The following RGS12 variants were observed in gnomAD, a reference collection of about 807,000 sequenced individuals.
RGS12 encodes regulator of G protein signaling 12, also known as regulator of G-protein signaling 12.
In RGS12, 66 loss-of-function variants were observed where a neutral mutation model predicts 120.1. The observed-to-expected ratio is 0.55, with a 90% confidence interval of 0.45 to 0.67. RGS12 has a LOEUF of 0.67. Among genes scored for constraint, RGS12 ranks in the 30% least tolerant of loss-of-function variants. The pLI is 0.00. For missense variants in RGS12, 1,859 were observed against 1,957.7 expected, an observed-to-expected ratio of 0.95 and a Z score of 0.95; for synonymous variants, 827 against 804.7, an observed-to-expected ratio of 1.03 and a Z score of -0.47.
chr4:3,359,961 A>G (rs1415062373), intron 3 of RGS12, among the ~76,000 whole-genome samples: 2 of 151,788 alleles, frequency 1.3e-5, no homozygotes, highest in Non-Finnish European at 2.9e-5. Context: ...GAGTTTCAAC[A>G]TGTTGCCCAT....
intron 4 of RGS12, among the ~76,000 whole-genome samples, chr4:3,398,749 T>C (rs1240658264): frequency 1.3e-5 from 2 of 148,434 alleles, no homozygotes; most frequent in Admixed American, 6.7e-5. Flanking sequence ...AAAAAAAAAA[T>C]AGTAAGATTA....
At chr4:3,420,528 G>A (rs755109490) in intron 9 of RGS12, 114 bp from the exon 10 acceptor site, 11 of 945,174 alleles carry the variant, frequency 1.2e-5, no homozygotes, top group Non-Finnish European at 1.8e-5. Flanking sequence ...GGGGATGGGT[G>A]GGGGGGGCTT....
chr4:3,355,074 T>C (rs762551664), intron 3 of RGS12, among the ~76,000 whole-genome samples: 1 of 152,194 alleles, frequency 6.6e-6, no homozygotes, highest in Non-Finnish European at 1.5e-5. Flanking sequence ...AGCAAGGTGA[T>C]TCCAGCAATT....
Position 3,425,483 on chromosome 4 carries a change from T to G in RGS12, c.3254T>G (p.Leu1085Arg). Residue 1085 changes from leucine (L) to arginine (R), a missense_variant, in exon 14 of 18, where the codon CTG becomes CGG. Physicochemically the swap from Leu to Arg is moderately radical, Grantham distance 102. Around this residue, in one of 3 missense-constraint regions of RGS12, gnomAD observed 517 missense variants for 488.5 expected, o/e 1.06. Transcript: ENST00000336727. ...LVRLSGEKEPLDLGAPISSLD... is the reference protein window; with the variant it reads ...LVRLSGEKEPRDLGAPISSLD... ...CCCTAGAGTGGAGAGAAGGAGCCCC[T>G]GGACCTTGGCGCCCCTATATCGAGT... The G allele has an allele frequency of 6.2e-7, 1 of 1,612,332 alleles. No individual in the cohort carries two copies. Among genetic ancestry groups the G allele is most frequent in the Non-Finnish European group, 8.5e-7 (1 of 1,179,788 alleles).
At position 3,436,315 on chromosome 4, in the gene RGS12, C is replaced by G. The variant is rs373915963; in HGVS notation, c.4115-3140C>G. 4.2e-4 allele frequency among the ~76,000 whole-genome samples: 64 copies of G among 152,334 alleles called. 2 individuals are homozygous for G. Among genetic ancestry groups the G allele is most frequent in the Admixed American group, 3.1e-3 (47 of 15,308 alleles). The stretch of plus-strand genomic sequence containing the variant: ...CCGCCTCTGGCTCCCCTCGCTCCCC[C>G]CTTCCTGCCGTGTTCTCAGTGTGAG... On this transcript the variant is annotated intron_variant, in intron 17 of 17. Coordinates refer to ENST00000336727, the MANE Select transcript of RGS12 (RefSeq NM_001394154.1).
rs937474735 is a variant in RGS12, at chr4:3,366,383, C to A, written c.1999-20033C>A. On this transcript the variant is annotated intron_variant, in intron 3 of 17. Coordinates refer to ENST00000336727, the MANE Select transcript of RGS12 (RefSeq NM_001394154.1). This position sits in a 1 kb window ranked among gnomAD's most constrained non-coding sequence, Gnocchi z 4.0. ...GGCCTTTGGCTTGGCGACCAGAGGC[C>A]TCCAGGGTTAAGAGCAGGGAGAGAA... 6.6e-6 allele frequency among the ~76,000 whole-genome samples: 1 copy of A among 152,130 alleles called. No homozygotes were observed. The highest frequency in any genetic ancestry group is 2.4e-5 in the African/African-American group (1 of 41,426).
rs1267333424 is a variant in RGS12 at position 3,390,147 on chromosome 4, C to T, written c.2020+3710C>T. Among the ~76,000 whole-genome samples the T allele has an allele frequency of 1.3e-5, 2 of 152,338 alleles. No homozygotes were observed. The highest frequency in any genetic ancestry group is 1.9e-4 in the East Asian group (1 of 5,188). Reference sequence around the variant, plus strand: ...AGCCCCTGTTCCCCCAACCATCCTGCGTCCCACCCTGGTCTCCAATGGTGC... The same window carrying T: ...AGCCCCTGTTCCCCCAACCATCCTGTGTCCCACCCTGGTCTCCAATGGTGC... On this transcript the variant is annotated intron_variant, in intron 4 of 17. Transcript: ENST00000336727. This position sits in a 1 kb window ranked among gnomAD's most constrained non-coding sequence, Gnocchi z 4.6.
chr4:3,420,615 G>GT, intron 9 of RGS12, 27 bp from the exon 10 acceptor site: 1 of 1,609,450 alleles, frequency 6.2e-7, no homozygotes, highest in Non-Finnish European at 8.5e-7. Flanking sequence ...TCTGATTGAC[G>GT]TGAGTCACTG....
chr4:3,383,770 G>T (rs764986828), intron 3 of RGS12, among the ~76,000 whole-genome samples: 5 of 152,114 alleles, frequency 3.3e-5, no homozygotes, highest in South Asian at 2.1e-4. Flanking sequence ...CTACGTGCCC[G>T]CAGCCTGTGC....
intron 4 of RGS12, among the ~76,000 whole-genome samples, chr4:3,397,451 A>C (rs1373532466): frequency 6.6e-6 from 1 of 152,248 alleles, no homozygotes; most frequent in African/African-American, 2.4e-5. Flanking sequence ...CTGAGATGGC[A>C]GCCAGGGGGT....
In RGS12 at chr4:3,417,172, A is replaced by C. The variant is rs1722499405; in HGVS notation, c.2607+80A>C. ...GAGCTGTTCTGTGGGGAGTGAAAAG[A>C]GGCCCTGTCGGCGTCTTCACCAGTG... is the stretch of plus-strand genomic sequence containing the variant. On this transcript the variant is annotated intron_variant, in intron 8 of 17. Transcript: ENST00000336727. 2.8e-6 allele frequency: 4 copies of C among 1,441,362 alleles called. No individual in the cohort carries two copies. The South Asian group carries it at 4.3e-5, about 15-fold the overall frequency. 89.3% of individuals were successfully genotyped at this position (1,441,362 alleles called of 1,614,324 possible). A position where few individuals can be genotyped will look rare whatever the true frequency, so the allele number is the denominator to read the frequency against.
intron 17 of RGS12, among the ~76,000 whole-genome samples, chr4:3,436,029 G>A (rs978584310): frequency 4.7e-4 from 72 of 152,038 alleles, no homozygotes; most frequent in African/African-American, 4.8e-4. Context: ...CCACTCCCTC[G>A]CCAATGCCCA....
chr4:3,428,977 C>T (rs1723961948), intron 16 of RGS12, among the ~76,000 whole-genome samples: 2 of 152,230 alleles, frequency 1.3e-5, no homozygotes, highest in Admixed American at 1.3e-4. Flanking sequence ...TGCCAGAGGC[C>T]CCCGCAGGCT....
At position 3,430,536 on chromosome 4, in the gene RGS12, C is replaced by T; in HGVS notation, c.3695C>T (p.Pro1232Leu). 1.2e-6 allele frequency: 2 copies of T among 1,613,430 alleles called. No homozygotes were observed. The highest frequency in any genetic ancestry group is 1.7e-6 in the Non-Finnish European group (2 of 1,180,024). ...CCTGGTTCCACAGAACTCACCCTCC[C>T]CACTCCAGCTGCTGTGGCCAAGGGC... ...LPPGSTELTL[P>L]TPAAVAKGFS... Residue 1232 changes from proline to leucine, a missense_variant, in exon 17 of 18, where the codon CCC (proline) becomes CTC (leucine). Physicochemically the swap from Pro to Leu is moderately conservative, Grantham distance 98. Around this residue, in one of 3 missense-constraint regions of RGS12, gnomAD observed 517 missense variants for 488.5 expected, o/e 1.06. Coordinates refer to ENST00000336727, the MANE Select transcript of RGS12 (RefSeq NM_001394154.1).
At chr4:3,333,543 A>T (rs1712108274) in intron 2 of RGS12, among the ~76,000 whole-genome samples, 1 of 152,204 alleles carries the variant, frequency 6.6e-6, no homozygotes, top group Non-Finnish European at 1.5e-5. Flanking sequence ...GAATCAGGTG[A>T]GACGAAAGTT....
At chr4:3,305,200 A>C (rs1723905576) in intron 1 of RGS12, among the ~76,000 whole-genome samples, 2 of 152,192 alleles carry the variant, frequency 1.3e-5, no homozygotes, top group African/African-American at 4.8e-5. Flanking sequence ...TGGTCTTTTG[A>C]AAACCTCATC....
intron 3 of RGS12, among the ~76,000 whole-genome samples, chr4:3,349,390 C>G (rs756182179): frequency 6.6e-6 from 1 of 152,148 alleles, no homozygotes; most frequent in Non-Finnish European, 1.5e-5. Context: ...CAAAATTATT[C>G]ATTTTTGTTT....
rs1716339458 is a variant in RGS12 at position 3,366,628 on chromosome 4, A to G, written c.1999-19788A>G. Among the ~76,000 whole-genome samples the G allele has an allele frequency of 6.6e-6, 1 of 152,132 alleles. No individual in the cohort carries two copies. On this transcript the variant is annotated intron_variant, in intron 3 of 17. Transcript: ENST00000336727. This position sits in a 1 kb window ranked among gnomAD's most constrained non-coding sequence, Gnocchi z 4.0. ...GCCCGTCTCCTTTCTGCTGTTGAGAAACCTTCAGGAGAGAGTGCTTCTGTT... is the reference window on the plus strand; with the variant it reads ...GCCCGTCTCCTTTCTGCTGTTGAGAGACCTTCAGGAGAGAGTGCTTCTGTT...
chr4:3,324,294 C>CA (rs1295100224), intron 2 of RGS12: 1 of 156,702 alleles, frequency 6.4e-6, no homozygotes, highest in Non-Finnish European at 1.4e-5. Context: ...GGAGCCACGT[C>CA]ACGTGCGATC....
Sources: allele counts gnomAD v4.1 joint callset (sites outside exome capture counted in the v4.1 genomes callset), GRCh38; gene constraint gnomAD v4.1.1; regional missense constraint gnomAD v4.1.1; non-coding constraint Gnocchi (gnomAD v3.1); transcripts MANE v1.5; gene names NCBI Gene and HGNC (gene_info 2026-07-23, HGNC 2026-07-21).